Variants in MSANTD4 observed in about 807,000 individuals in gnomAD.
MSANTD4 encodes Myb/SANT DNA binding domain containing 4 with coiled-coils.
MSANTD4 carries 13 observed loss-of-function variants against 34.3 expected under a neutral mutation model. That is an observed-to-expected ratio of 0.38 (90% CI 0.25 to 0.60). MSANTD4 has a LOEUF of 0.60. MSANTD4 is among the 20% of genes least tolerant of loss of function. The pLI, the probability that MSANTD4 is intolerant of heterozygous loss-of-function variation, is 0.63. For synonymous variants in MSANTD4, 137 were observed against 145.2 expected, an observed-to-expected ratio of 0.94 and a Z score of 0.41; for missense variants, 358 against 401.8, an observed-to-expected ratio of 0.89 and a Z score of 0.93.
At position 106,009,592 on chromosome 11, in the gene MSANTD4, T is replaced by C; in HGVS notation, c.981A>G (p.Glu327=). 1 of 1,614,054 alleles carries C rather than the reference T, an allele frequency of 6.2e-7. No individual in the cohort carries two copies. Among genetic ancestry groups the C allele is most frequent in the Non-Finnish European group, 8.5e-7 (1 of 1,179,976 alleles). The change falls in exon 3 of 3, where the codon GAA becomes GAG. Residue 327 remains glutamate (E), a synonymous_variant. Transcript: ENST00000301919. Reference sequence around the variant, plus strand: ...GTCTGTCTTTCTCTACCTGTAAGCGTTCCTTTTCAATCTGCAGCTTCTCAG... The same window carrying C: ...GTCTGTCTTTCTCTACCTGTAAGCGCTCCTTTTCAATCTGCAGCTTCTCAG... ...FESEKLQIEK[E]RLQVEKDRLR...
intron 1 of MSANTD4, among the ~76,000 whole-genome samples, chr11:106,019,459 T>A (rs1859964007): frequency 6.6e-6 from 1 of 152,242 alleles, no homozygotes; most frequent in Non-Finnish European, 1.5e-5. Context: ...GCTACCATAC[T>A]GGAACAGCAC....
intron 1 of MSANTD4, among the ~76,000 whole-genome samples, chr11:106,013,517 C>T (rs980115719): frequency 5.3e-5 from 8 of 152,136 alleles, no homozygotes; most frequent in African/African-American, 1.7e-4. Flanking sequence ...GGTTCCCTCA[C>T]GTCACATGTA....
rs758307724 is a variant in MSANTD4 at position 106,009,661 on chromosome 11, G to A, written c.912C>T (p.Arg304=). 1 of 1,614,184 alleles carries A rather than the reference G, an allele frequency of 6.2e-7. No homozygotes were observed. The highest frequency in any genetic ancestry group is 8.5e-7 in the Non-Finnish European group (1 of 1,180,040). The change falls in exon 3 of 3, where the codon CGC becomes CGT. Residue 304 remains arginine (R), a synonymous_variant. Coordinates refer to ENST00000301919, the MANE Select transcript of MSANTD4 (RefSeq NM_032424.3). ...GCAGCCTATCCTTTTCCAGTTGCAA[G>A]CGTTCTCGCTCAAGTTTTAACTTCT... The part of the protein sequence containing the change: ...ETEKLKLERE[R]LQLEKDRLQF...
chr11:106,011,764 C>T (rs1258800278), intron 1 of MSANTD4, among the ~76,000 whole-genome samples: 4 of 151,994 alleles, frequency 2.6e-5, no homozygotes, highest in African/African-American at 7.3e-5. Context: ...ATGAAAGAGT[C>T]GATTTGCCAA....
intron 1 of MSANTD4, among the ~76,000 whole-genome samples, chr11:106,014,980 A>G (rs1859804703): frequency 6.6e-6 from 1 of 152,248 alleles, no homozygotes; most frequent in African/African-American, 2.4e-5. Context: ...CTATTTCTAA[A>G]GTAGACTTAT....
rs1859656402 is a variant in MSANTD4 at position 106,010,351 on chromosome 11, T to A, written c.462+105A>T. The stretch of plus-strand genomic sequence containing the variant: ...GCAGAATGACTTGTTATGTACTATT[T>A]TTAAATAAGCTTGAAAATCTTGGAA... On this transcript the variant is annotated intron_variant, in intron 2 of 2. Transcript: ENST00000301919. 2.0e-6 allele frequency: 3 copies of A among 1,480,656 alleles called. No individual in the cohort carries two copies. The South Asian group carries it at 4.2e-5, about 21-fold the overall frequency. 91.7% of individuals were successfully genotyped at this position (1,480,656 alleles called of 1,614,324 possible).
At chr11:106,018,186 C>A (rs1859913746) in intron 1 of MSANTD4, among the ~76,000 whole-genome samples, 3 of 152,078 alleles carry the variant, frequency 2.0e-5, no homozygotes, top group Admixed American at 6.5e-5. Context: ...GCTGTATAGT[C>A]AATATATTAT....
intron 1 of MSANTD4, among the ~76,000 whole-genome samples, chr11:106,018,852 A>C (rs972672733): frequency 2.0e-5 from 3 of 152,226 alleles, no homozygotes; most frequent in African/African-American, 4.8e-5. Context: ...TTGAGAACCA[A>C]ATTTTCTTCT....
At position 106,009,704 on chromosome 11, in the gene MSANTD4, G is replaced by A; in HGVS notation, c.869C>T (p.Pro290Leu). 1 of 1,614,164 alleles carries A rather than the reference G, an allele frequency of 6.2e-7. No homozygotes were observed. Among genetic ancestry groups the A allele is most frequent in the South Asian group, 1.1e-5 (1 of 91,076 alleles). Residue 290 changes from proline to leucine, a missense_variant, in exon 3 of 3, where the codon CCA (proline) becomes CTA (leucine). Physicochemically the swap from Pro to Leu is moderately conservative, Grantham distance 98. This residue lies in a region of MSANTD4 where 312 missense variants were observed against 317.6 expected (regional missense o/e 0.98). Transcript: ENST00000301919. ...TAACTTCTCTGTTTCTATGTCCTGT[G>A]GTTGAAGCATGGATTTTTCTCCTTG... ...LGQGEKSMLQ[P>L]QDIETEKLKL...
In MSANTD4 at chr11:106,009,679, T is replaced by C. The variant is rs1367349754; in HGVS notation, c.894A>G (p.Leu298=). Residue 298 remains leucine, a synonymous_variant, in exon 3 of 3, where the codon TTA becomes TTG. Transcript: ENST00000301919. ...LQPQDIETEK[L]KLERERLQLE... ...GTTGCAAGCGTTCTCGCTCAAGTTT[T>C]AACTTCTCTGTTTCTATGTCCTGTG... 2 of 1,614,226 alleles carry C rather than the reference T, an allele frequency of 1.2e-6. No homozygotes were observed. Among genetic ancestry groups the C allele is most frequent in the Admixed American group, 1.7e-5 (1 of 60,032 alleles).
intron 1 of MSANTD4, among the ~76,000 whole-genome samples, chr11:106,018,559 G>A (rs1859929401): frequency 1.3e-5 from 2 of 152,130 alleles, no homozygotes; most frequent in Admixed American, 6.6e-5. Flanking sequence ...GAGTTTACTT[G>A]GTGAAATATG....
Position 106,020,323 on chromosome 11 carries a change from C to T in MSANTD4, c.-151+639G>A, listed in dbSNP as rs183607288. ...GTGCCAAGCAGCAAATCTTACTAAG[C>T]GAATTCTGGCTTAATAAGACTATTA... is the stretch of plus-strand genomic sequence containing the variant. On this transcript the variant is annotated intron_variant, in intron 1 of 2. Coordinates refer to ENST00000301919, the MANE Select transcript of MSANTD4 (RefSeq NM_032424.3). Among the ~76,000 whole-genome samples the T allele has an allele frequency of 1.4e-3, 206 of 152,160 alleles. 2 individuals carry two copies. Among genetic ancestry groups the T allele is most frequent in the Middle Eastern group, 3.4e-3 (1 of 294 alleles).
At chr11:106,016,336 A>AT (rs1421211791) in intron 1 of MSANTD4, among the ~76,000 whole-genome samples, 1 of 152,244 alleles carries the variant, frequency 6.6e-6, no homozygotes, top group Non-Finnish European at 1.5e-5. Flanking sequence ...AAGCAAAGTG[A>AT]TTTACACACA....
chr11:106,009,512 T>A lies in MSANTD4; in HGVS notation c.*23A>T, dbSNP rs376127790. 1.6e-4 allele frequency: 256 copies of A among 1,565,286 alleles called. No individual in the cohort carries two copies. The highest frequency in any genetic ancestry group is 2.1e-4 in the Non-Finnish European group (248 of 1,158,002). On this transcript the variant is annotated 3_prime_UTR_variant, in exon 3 of 3. Coordinates refer to ENST00000301919, the MANE Select transcript of MSANTD4 (RefSeq NM_032424.3). ...GAAAAATCTAGAGTTTTCAAACATT[T>A]GCTAAATGGAAGCCTGGAAAAATCA... is the stretch of plus-strand genomic sequence containing the variant.
At chr11:106,017,733 C>T (rs1316366662) in intron 1 of MSANTD4, among the ~76,000 whole-genome samples, 3 of 151,344 alleles carry the variant, frequency 2.0e-5, no homozygotes, top group Admixed American at 6.6e-5. Flanking sequence ...AAATGTTAAG[C>T]GATAAAAAAA....
intron 1 of MSANTD4, among the ~76,000 whole-genome samples, chr11:106,015,688 C>G (rs1408504138): frequency 6.6e-6 from 1 of 151,942 alleles, no homozygotes; most frequent in African/African-American, 2.4e-5. Flanking sequence ...ACTAATACTA[C>G]AGAATTGTCA....
At position 106,010,827 on chromosome 11, in the gene MSANTD4, T is replaced by G; in HGVS notation, c.91A>C (p.Ile31Leu). The G allele has an allele frequency of 6.2e-7, 1 of 1,614,190 alleles. No individual in the cohort carries two copies. Among genetic ancestry groups the G allele is most frequent in the Non-Finnish European group, 8.5e-7 (1 of 1,180,022 alleles). ...GTTGTATTGAGCTGCTTGGAAAAAA[T>G]GACTTCTTTCCTTTTCGTAATTTCT... ...LKEITKRKEVIFSKQLNTTIN... is the reference protein window; with the variant it reads ...LKEITKRKEVLFSKQLNTTIN... Residue 31 changes from isoleucine to leucine, a missense_variant, in exon 2 of 3, where the codon ATT becomes CTT. Physicochemically the swap from Ile to Leu is conservative, Grantham distance 5. Transcript: ENST00000301919.
chr11:106,009,556 CTGAAT>C lies in MSANTD4; in HGVS notation c.1012_1016del (p.Ile338GlufsTer18). The C allele has an allele frequency of 6.2e-7, 1 of 1,601,506 alleles. No individual in the cohort carries two copies. Among genetic ancestry groups the C allele is most frequent in the Non-Finnish European group, 8.5e-7 (1 of 1,173,758 alleles). On this transcript the variant is annotated frameshift_variant, in exon 3 of 3. Transcript: ENST00000301919. LOFTEE classifies it high-confidence loss of function. ...AAAATCACTGCAAGTGTCCTTCTTT[CTGAAT>C]TCGAAGTCTGTCTTTCTCTACCTGT...
Position 106,008,173 on chromosome 11 carries a change from T to C in MSANTD4, c.*1362A>G, listed in dbSNP as rs1470664464. 1 of 152,606 alleles carries C rather than the reference T, an allele frequency of 6.6e-6. No homozygotes were observed. The highest frequency in any genetic ancestry group is 1.9e-4 in the East Asian group (1 of 5,184). 9.5% of individuals were successfully genotyped at this position (152,606 alleles called of 1,614,324 possible). A position where few individuals can be genotyped will look rare whatever the true frequency, so the allele number is the denominator to read the frequency against. On this transcript the variant is annotated 3_prime_UTR_variant, in exon 3 of 3. Transcript: ENST00000301919. ...GTGATCTAGTGCAGTGATTCTCAAC[T>C]TTAGTGTGTATCAGAATCACTTGGA...
Sources: gnomAD v4.1 joint callset for allele counts (sites outside exome capture counted in the v4.1 genomes callset) on GRCh38, gnomAD v4.1.1 for gene constraint, gnomAD v4.1.1 regional missense constraint, MANE v1.5 for transcripts, NCBI Gene and HGNC (gene_info 2026-07-23, HGNC 2026-07-21) for gene names.